METTL8: variants seen among roughly 807,000 people sequenced by gnomAD.
The protein encoded by METTL8 is methyltransferase 8, tRNA N3-cytidine, also known as tRNA N(3)-cytidine methyltransferase METTL8, mitochondrial.
A neutral mutation model predicts 48.7 loss-of-function variants in METTL8; 32 were observed. The observed-to-expected ratio is 0.66, with a 90% CI of 0.50 to 0.88. The LOEUF is 0.88. Ranked by LOEUF, METTL8 falls within the 40% of genes least tolerant of loss-of-function variation. The probability of loss-of-function intolerance (pLI) is 0.00; values close to 1 mark genes in which losing one functional copy is unlikely to be tolerated. For synonymous variants in METTL8, 136 were observed against 157.1 expected (o/e 0.87, Z 1.01); for missense variants, 464 against 474.4 (o/e 0.98, Z 0.20).
At chr2:171,330,490 G>T in intron 7 of METTL8, 69 bp downstream of exon 7, 1 of 1,451,842 alleles carries the variant, frequency 6.9e-7, no homozygotes, top group Admixed American at 2.1e-5. Context: ...TTTTTGCTTT[G>T]ATAGTTCTGA....
intron 3 of METTL8, among the ~76,000 whole-genome samples, chr2:171,347,111 G>A (rs1458795808): frequency 2.0e-5 from 3 of 152,184 alleles, no homozygotes; most frequent in Non-Finnish European, 4.4e-5. Context: ...GTTACAGAGG[G>A]GATGCAGAAG....
intron 1 of METTL8, among the ~76,000 whole-genome samples, chr2:171,397,932 A>G (rs1268927825): frequency 6.6e-6 from 1 of 152,184 alleles, no homozygotes; most frequent in Non-Finnish European, 1.5e-5. Context: ...AACAAACAGC[A>G]CACCTAATAG....
intron 2 of METTL8, among the ~76,000 whole-genome samples, chr2:171,364,061 C>T (rs1246701164): frequency 6.6e-6 from 1 of 151,760 alleles, no homozygotes; most frequent in Non-Finnish European, 1.5e-5. Context: ...GATTTGCCCG[C>T]CTCAGCCTCC....
chr2:171,368,407 G>A (rs1685938730), intron 2 of METTL8, among the ~76,000 whole-genome samples: 4 of 152,108 alleles, frequency 2.6e-5, no homozygotes, highest in Admixed American at 2.0e-4. Context: ...TTTCTCAAAA[G>A]TAAACAAAAT....
chr2:171,366,270 G>A (rs990926984), intron 2 of METTL8, among the ~76,000 whole-genome samples: 1 of 152,104 alleles, frequency 6.6e-6, no homozygotes, highest in Non-Finnish European at 1.5e-5. Context: ...TGAGTATTTA[G>A]TTAAGACCCT....
At chr2:171,393,244 G>C (rs980937804) in intron 1 of METTL8, among the ~76,000 whole-genome samples, 2 of 151,904 alleles carry the variant, frequency 1.3e-5, no homozygotes, top group African/African-American at 4.8e-5. Context: ...AACATAGTGA[G>C]ACCGTTTCTT....
chr2:171,345,820 G>A (rs1419670483), intron 3 of METTL8, among the ~76,000 whole-genome samples: 2 of 152,076 alleles, frequency 1.3e-5, no homozygotes, highest in Non-Finnish European at 2.9e-5. Context: ...ACACACTGGA[G>A]ATGTTTTTTA....
chr2:171,334,071 T>TAAAACAAAACAAAAC lies in METTL8; in HGVS notation c.657-2219_657-2205dup, dbSNP rs148818231. Among the ~76,000 whole-genome samples, 440 of 150,832 alleles carry TAAAACAAAACAAAAC rather than the reference T, an allele frequency of 2.9e-3. 5 individuals are homozygous for TAAAACAAAACAAAAC. The highest frequency in any genetic ancestry group is 0.01 in the African/African-American group (417 of 40,898). On this transcript the variant is annotated intron_variant, in intron 5 of 9. Transcript: ENST00000375258. The stretch of plus-strand genomic sequence containing the variant: ...GAGCTTAAAAACTAACATAGTCCTC[T>TAAAACAAAACAAAAC]AAAACAAAACAAAACAAAACAAAAC...
chr2:171,345,667 T>C (rs1047092628), intron 3 of METTL8, among the ~76,000 whole-genome samples: 9 of 152,172 alleles, frequency 5.9e-5, no homozygotes, highest in African/African-American at 2.2e-4. Context: ...AAGTAAAGTA[T>C]AGTGAGACTC....
chr2:171,374,330 A>T (rs1213408896), intron 2 of METTL8, among the ~76,000 whole-genome samples: 1 of 152,172 alleles, frequency 6.6e-6, no homozygotes. Flanking sequence ...ATAATTTCTT[A>T]ACAAAAATGA....
At chr2:171,334,741 GAGTT>G (rs1430902540) in intron 5 of METTL8, among the ~76,000 whole-genome samples, 1 of 152,192 alleles carries the variant, frequency 6.6e-6, no homozygotes, top group Non-Finnish European at 1.5e-5. Context: ...TAAGAAGAAA[GAGTT>G]AGGGAGTGAG....
At chr2:171,364,671 A>C (rs1048516010) in intron 2 of METTL8, among the ~76,000 whole-genome samples, 1 of 152,164 alleles carries the variant, frequency 6.6e-6, no homozygotes, top group Non-Finnish European at 1.5e-5. Flanking sequence ...GATTTGGAAA[A>C]GTTAAAACAC....
chr2:171,427,127 G>A (rs770042834), intron 1 of METTL8, among the ~76,000 whole-genome samples: 18 of 152,102 alleles, frequency 1.2e-4, no homozygotes, highest in Non-Finnish European at 2.2e-4. Context: ...TGTTTTATTA[G>A]GATTTCACTT....
intron 3 of METTL8, among the ~76,000 whole-genome samples, chr2:171,340,643 G>A (rs1038077878): frequency 6.6e-6 from 1 of 152,034 alleles, no homozygotes; most frequent in African/African-American, 2.4e-5. Context: ...AATGCAAATT[G>A]GTGATCAGAC....
intron 3 of METTL8, among the ~76,000 whole-genome samples, chr2:171,341,956 G>A (rs1686822419): frequency 6.6e-6 from 1 of 152,174 alleles, no homozygotes; most frequent in South Asian, 2.1e-4. Flanking sequence ...AGTGGCTGGG[G>A]ACCACAGTTG....
intron 2 of METTL8, among the ~76,000 whole-genome samples, chr2:171,376,691 G>T (rs928667680): frequency 3.3e-5 from 5 of 152,062 alleles, no homozygotes; most frequent in African/African-American, 1.2e-4. Flanking sequence ...ACTGCTGAAA[G>T]AAATCACAGA....
intron 3 of METTL8, among the ~76,000 whole-genome samples, chr2:171,345,165 A>G (rs1189352890): frequency 1.1e-4 from 16 of 152,192 alleles, no homozygotes; most frequent in African/African-American, 3.9e-4. Flanking sequence ...CTACAGCCCA[A>G]TGAAGCAACT....
chr2:171,387,281 A>T (rs1388355810), intron 2 of METTL8, among the ~76,000 whole-genome samples: 1 of 152,158 alleles, frequency 6.6e-6, no homozygotes, highest in African/African-American at 2.4e-5. Context: ...GGAGCCCCAC[A>T]GCCTGCCCAT....
At chr2:171,377,596 AAAG>A (rs1400578644) in intron 2 of METTL8, among the ~76,000 whole-genome samples, 4 of 152,260 alleles carry the variant, frequency 2.6e-5, no homozygotes, top group African/African-American at 9.6e-5. Context: ...GCAATTCTCA[AAAG>A]AAGATGTACA....
Sources: gnomAD v4.1 joint callset for allele counts (sites outside exome capture counted in the v4.1 genomes callset) on GRCh38, gnomAD v4.1.1 for gene constraint, MANE v1.5 for transcripts, NCBI Gene and HGNC (gene_info 2026-07-23, HGNC 2026-07-21) for gene names.